Variants in BMPER observed in about 807,000 individuals in gnomAD.
The protein encoded by BMPER is BMP-binding endothelial regulator protein.
A neutral mutation model predicts 87.3 loss-of-function variants in BMPER; 45 were observed. That is an observed-to-expected ratio of 0.52 (90% CI 0.41 to 0.66). The LOEUF (loss-of-function observed/expected upper bound fraction) is 0.66. Ranked by LOEUF, BMPER falls within the 30% of genes least tolerant of loss-of-function variation. The pLI is 0.00. For synonymous variants in BMPER, 326 were observed against 316.2 expected, an observed-to-expected ratio of 1.03 and a Z score of -0.33; for missense variants, 784 against 867.5, an observed-to-expected ratio of 0.90 and a Z score of 1.21.
At chr7:34,061,866 A>G in intron 10 of BMPER, 136 bp from the exon 11 acceptor site, 2 of 735,542 alleles carry the variant, frequency 2.7e-6, no homozygotes, top group Non-Finnish European at 4.4e-6. Context: ...CCATCTGGGC[A>G]TTGAGTTCAA....
intron 13 of BMPER, among the ~76,000 whole-genome samples, chr7:34,122,400 C>T (rs560036132): frequency 7.9e-5 from 12 of 152,246 alleles, no homozygotes; most frequent in South Asian, 6.2e-4. Flanking sequence ...AAACAGAATG[C>T]GGCTCAATAG....
chr7:34,143,130 C>T (rs752513013), intron 13 of BMPER, 100 bp from the exon 14 acceptor site: 47 of 1,552,324 alleles, frequency 3.0e-5, no homozygotes, highest in Non-Finnish European at 3.8e-5. Context: ...TTTAATGGGC[C>T]AATCAGGTTT....
At chr7:34,050,659 A>T in intron 7 of BMPER, among the ~76,000 whole-genome samples, 1 of 152,232 alleles carries the variant, frequency 6.6e-6, no homozygotes, top group Non-Finnish European at 1.5e-5. Context: ...TAGAAATTTG[A>T]TCAGTGAACA....
intron 9 of BMPER, 96 bp from the exon 10 acceptor site, chr7:34,057,963 G>A: frequency 9.3e-7 from 1 of 1,079,248 alleles, no homozygotes; most frequent in Non-Finnish European, 1.4e-6. Context: ...CTCACTCAGG[G>A]CAAGAAATGC....
intron 13 of BMPER, among the ~76,000 whole-genome samples, chr7:34,102,683 C>G (rs1211332802): frequency 5.3e-5 from 8 of 152,206 alleles, no homozygotes; most frequent in Admixed American, 4.6e-4. Context: ...TATTTAACCA[C>G]AGCTCCTGCC....
At chr7:34,033,483 A>G (rs2127952257) in intron 6 of BMPER, among the ~76,000 whole-genome samples, 1 of 152,122 alleles carries the variant, frequency 6.6e-6, no homozygotes, top group Non-Finnish European at 1.5e-5. Context: ...TTCCTGGTTA[A>G]AAAAAAAGCT....
At chr7:34,105,959 C>T (rs1789806959) in intron 13 of BMPER, among the ~76,000 whole-genome samples, 1 of 152,208 alleles carries the variant, frequency 6.6e-6, no homozygotes, top group Non-Finnish European at 1.5e-5. Flanking sequence ...GCCCCCAAAG[C>T]CTGTCTTCCA....
chr7:34,131,985 G>C (rs1790602628), intron 13 of BMPER, among the ~76,000 whole-genome samples: 1 of 152,134 alleles, frequency 6.6e-6, no homozygotes, highest in Non-Finnish European at 1.5e-5. Flanking sequence ...TGGGGGAAGG[G>C]GAGAATACAG....
At chr7:34,046,191 C>CCCAT in intron 6 of BMPER, 115 bp from the exon 7 acceptor site, 1 of 957,514 alleles carries the variant, frequency 1.0e-6, no homozygotes, top group Non-Finnish European at 1.7e-6. Flanking sequence ...CCTGAGCAGT[C>CCCAT]AGTCTAGGGA....
At chr7:34,101,385 G>A (rs977627356) in intron 13 of BMPER, among the ~76,000 whole-genome samples, 6 of 152,252 alleles carry the variant, frequency 3.9e-5, no homozygotes, top group Non-Finnish European at 5.9e-5. Flanking sequence ...ACTTCTTCAC[G>A]GACTGTCACC....
chr7:34,096,515 G>A (rs1236922016), intron 13 of BMPER, among the ~76,000 whole-genome samples: 7 of 152,166 alleles, frequency 4.6e-5, no homozygotes, highest in Non-Finnish European at 7.4e-5. Context: ...TAGGAGTGGA[G>A]GCTTTTGCAT....
intron 2 of BMPER, among the ~76,000 whole-genome samples, chr7:33,932,504 T>C (rs1237603342): frequency 6.6e-6 from 1 of 152,174 alleles, no homozygotes; most frequent in East Asian, 1.9e-4. Flanking sequence ...GGAGGGAAAA[T>C]AATGCCATCA....
chr7:34,066,211 A>G (rs1030853417), intron 11 of BMPER, among the ~76,000 whole-genome samples: 1 of 152,204 alleles, frequency 6.6e-6, no homozygotes, highest in Non-Finnish European at 1.5e-5. Context: ...ATGGTAATTT[A>G]CAATTTTGTA....
chr7:33,927,988 G>A (rs1412314019), intron 2 of BMPER, among the ~76,000 whole-genome samples: 2 of 152,210 alleles, frequency 1.3e-5, no homozygotes, highest in Non-Finnish European at 1.5e-5. Flanking sequence ...AACCAGAGGT[G>A]TTGAGGAAGC....
chr7:33,985,169 A>G (rs1585705633), intron 6 of BMPER, among the ~76,000 whole-genome samples: 2 of 152,354 alleles, frequency 1.3e-5, no homozygotes, highest in South Asian at 4.1e-4. Flanking sequence ...AAAAGCCTAG[A>G]TATATTGAGA....
intron 12 of BMPER, among the ~76,000 whole-genome samples, chr7:34,082,133 A>G (rs57501780): frequency 0.022 from 3,323 of 152,214 alleles, 46 homozygotes; most frequent in Middle Eastern, 0.051. Context: ...CAGATGAGAC[A>G]TATGCTTCAG....
chr7:33,912,925 AT>A (rs1413367014), intron 2 of BMPER, among the ~76,000 whole-genome samples: 1 of 152,112 alleles, frequency 6.6e-6, no homozygotes, highest in Non-Finnish European at 1.5e-5. Flanking sequence ...CCCCTCTTCC[AT>A]TTTATTTTAT....
chr7:33,941,278 G>A (rs9791459), intron 3 of BMPER, among the ~76,000 whole-genome samples: 54,631 of 145,634 alleles, frequency 0.38, 10,741 homozygotes, highest in African/African-American at 0.5. Flanking sequence ...TACACAATGG[G>A]GTCTCCTTAG....
intron 11 of BMPER, among the ~76,000 whole-genome samples, chr7:34,069,967 C>A (rs767639495): frequency 1.3e-5 from 2 of 152,122 alleles, no homozygotes; most frequent in Admixed American, 6.5e-5. Flanking sequence ...CATTGCTACA[C>A]CCCTCTTCTC....
Sources: allele counts gnomAD v4.1 joint callset (sites outside exome capture counted in the v4.1 genomes callset), GRCh38; gene constraint gnomAD v4.1.1; transcripts MANE v1.5; gene names NCBI Gene and HGNC (gene_info 2026-07-23, HGNC 2026-07-21).